DNAH8: variants seen among roughly 807,000 people sequenced by gnomAD.
DNAH8 encodes the protein dynein axonemal heavy chain 8, also known as axonemal beta dynein heavy chain 8.
A neutral mutation model predicts 562.1 loss-of-function variants in DNAH8; 382 were observed. The observed-to-expected ratio is 0.68, with a 90% CI of 0.63 to 0.74. DNAH8 has a LOEUF of 0.74. DNAH8 is among the 30% of genes least tolerant of loss of function. DNAH8 has a pLI of 0.00. For missense variants in DNAH8, 5,203 were observed against 5,620.4 expected (o/e 0.93, Z 2.37); for synonymous variants, 1,881 against 1,919.4 (o/e 0.98, Z 0.52).
At chr6:38,846,218 G>A (rs1329806964) in intron 36 of DNAH8, among the ~76,000 whole-genome samples, 2 of 152,156 alleles carry the variant, frequency 1.3e-5, no homozygotes, top group East Asian at 1.9e-4. Context: ...TAGGGGCTTG[G>A]CACTTACTTA....
intron 11 of DNAH8, among the ~76,000 whole-genome samples, chr6:38,768,820 T>A (rs1284727716): frequency 6.6e-6 from 1 of 152,192 alleles, no homozygotes; most frequent in African/African-American, 2.4e-5. Flanking sequence ...CAACTTATCA[T>A]CTTCCTAGGA....
chr6:38,878,288 G>A (rs9380796), intron 53 of DNAH8, among the ~76,000 whole-genome samples: 65,966 of 151,976 alleles, frequency 0.43, 15,241 homozygotes, highest in East Asian at 0.84. Flanking sequence ...TCCAGTGCAC[G>A]GAAAACACTT....
Position 39,026,752 on chromosome 6 carries a change from C to T in DNAH8, c.13836+85C>T, listed in dbSNP as rs962675651. The T allele has an allele frequency of 2.7e-6, 4 of 1,459,032 alleles. No homozygotes were observed. The African/African-American group carries it at 4.2e-5, about 15-fold the overall frequency. 90.4% of individuals were successfully genotyped at this position (1,459,032 alleles called of 1,614,324 possible). Reference sequence around the variant, plus strand: ...CTGCTTAAAACTGAGCTATGAGTGCCTTGGTTAGGTCCATTTGCTTTGCAG... The same window carrying T: ...CTGCTTAAAACTGAGCTATGAGTGCTTTGGTTAGGTCCATTTGCTTTGCAG... On this transcript the variant is annotated intron_variant, in intron 92 of 92. Transcript: ENST00000327475.
chr6:38,858,316 C>T (rs2150402649), intron 42 of DNAH8, among the ~76,000 whole-genome samples: 1 of 152,240 alleles, frequency 6.6e-6, no homozygotes, highest in East Asian at 1.9e-4. Flanking sequence ...TTGCTTTAGT[C>T]TACTTGATTT....
intron 1 of DNAH8, among the ~76,000 whole-genome samples, chr6:38,720,677 A>G (rs1049180364): frequency 8.5e-5 from 13 of 152,240 alleles, no homozygotes; most frequent in African/African-American, 3.1e-4. Flanking sequence ...TTCAACACAA[A>G]GACATACACA....
intron 11 of DNAH8, chr6:38,763,182 C>CTCGGTGTTCGCCGT: frequency 7.0e-6 from 2 of 286,062 alleles, no homozygotes; most frequent in Non-Finnish European, 1.4e-5. Flanking sequence ...CAGTGTAGAT[C>CTCGGTGTTCGCCGT]ATACATTTGG....
At chr6:38,995,022 T>A (rs1646216126) in intron 88 of DNAH8, among the ~76,000 whole-genome samples, 1 of 152,058 alleles carries the variant, frequency 6.6e-6, no homozygotes, top group South Asian at 2.1e-4. Context: ...CTCCAGTATG[T>A]TTTATTATCT....
Position 39,012,367 on chromosome 6 carries a change from G to A in DNAH8, c.13524G>A (p.Glu4508=). 6.2e-7 allele frequency: 1 copy of A among 1,611,276 alleles called. No homozygotes were observed. Among genetic ancestry groups the A allele is most frequent in the Non-Finnish European group, 8.5e-7 (1 of 1,177,780 alleles). Residue 4508 remains glutamate, a splice_region_variant and synonymous_variant, in exon 90 of 93, where the codon GAG becomes GAA. Transcript: ENST00000327475. The part of the protein sequence containing the change: ...LAIEGTIIMS[E]NLRDALDNMY... Reference sequence around the variant, plus strand: ...TTGAAGGAACAATCATTATGAGTGAGGTGAGCTGTTATTACATCAGTAGGC... The same window carrying A: ...TTGAAGGAACAATCATTATGAGTGAAGTGAGCTGTTATTACATCAGTAGGC...
rs138189560 is a variant in DNAH8 at position 38,826,316 on chromosome 6, C to A, written c.4008C>A (p.Val1336=). 7.4e-6 allele frequency: 12 copies of A among 1,613,324 alleles called. No individual in the cohort carries two copies. The African/African-American group carries it at 1.2e-4, about 16-fold the overall frequency. The change falls in exon 29 of 93, where the codon GTC becomes GTA. Residue 1336 remains valine (V), a synonymous_variant. Transcript: ENST00000327475. ...GACCTATTCGTGATTTAGATGATGT[C>A]AGATTTGCAATGGAAGCCTTGTCTT... ...LSRPIRDLDD[V]RFAMEALSCI... is the part of the protein sequence containing the mutation.
intron 92 of DNAH8, 38 bp downstream of exon 92, chr6:39,026,705 G>A: frequency 6.2e-7 from 1 of 1,602,972 alleles, no homozygotes; most frequent in Non-Finnish European, 8.5e-7. Context: ...CCATTCTGGA[G>A]CCAGAGCTGA....
At chr6:38,989,356 A>G (rs374758694) in intron 87 of DNAH8, among the ~76,000 whole-genome samples, 1 of 152,138 alleles carries the variant, frequency 6.6e-6, no homozygotes, top group South Asian at 2.1e-4. Context: ...GAATAAGTCT[A>G]TTCACACCAA....
In DNAH8 at chr6:38,906,759, C is replaced by T. The variant is rs747185234; in HGVS notation, c.9348+352C>T. ...TAGTTGTAAATGGATGTCTGTACTG[C>T]CACTTCTGAAACCGCTTGTATCAGC... is the stretch of plus-strand genomic sequence containing the variant. On this transcript the variant is annotated intron_variant, in intron 63 of 92. Transcript: ENST00000327475. 2.6e-5 allele frequency among the ~76,000 whole-genome samples: 4 copies of T among 152,030 alleles called. No individual in the cohort carries two copies. The South Asian group carries it at 6.2e-4, about 24-fold the overall frequency.
intron 11 of DNAH8, among the ~76,000 whole-genome samples, chr6:38,769,138 T>C (rs1738267): frequency 0.1 from 15,157 of 152,166 alleles, 1,382 homozygotes; most frequent in East Asian, 0.44. Context: ...TTAGGAATAA[T>C]TTTTGGATGA....
intron 88 of DNAH8, among the ~76,000 whole-genome samples, chr6:39,005,768 T>C (rs570607841): frequency 6.6e-6 from 1 of 152,366 alleles, no homozygotes; most frequent in East Asian, 1.9e-4. Flanking sequence ...TCCATTTTCT[T>C]CTGGATTTCA....
chr6:38,731,888 G>A (rs1434020339), intron 4 of DNAH8, among the ~76,000 whole-genome samples: 1 of 152,120 alleles, frequency 6.6e-6, no homozygotes, highest in African/African-American at 2.4e-5. Context: ...CTAATGTTTT[G>A]TATTTTTAGT....
At chr6:38,747,391 T>TC (rs1371158156) in intron 8 of DNAH8, among the ~76,000 whole-genome samples, 68 of 145,214 alleles carry the variant, frequency 4.7e-4, no homozygotes, top group African/African-American at 1.7e-3. Flanking sequence ...TTTCTTTTTT[T>TC]TTTTTTTTTT....
intron 65 of DNAH8, among the ~76,000 whole-genome samples, chr6:38,910,375 A>G (rs902545795): frequency 3.3e-5 from 5 of 152,202 alleles, no homozygotes; most frequent in Non-Finnish European, 7.3e-5. Flanking sequence ...ATCCCCAGAA[A>G]AGCTATGCCT....
chr6:38,721,992 G>C (rs1301729407), intron 1 of DNAH8, among the ~76,000 whole-genome samples: 1 of 152,158 alleles, frequency 6.6e-6, no homozygotes, highest in African/African-American at 2.4e-5. Context: ...TTGGTTGGAG[G>C]CATCATTATT....
chr6:38,850,161 T>C, intron 37 of DNAH8, 90 bp from the exon 38 acceptor site: 1 of 1,273,918 alleles, frequency 7.8e-7, no homozygotes, highest in Middle Eastern at 2.3e-4. Context: ...GAGGCTGGTT[T>C]GAAGAACTAT....
Sources: allele counts gnomAD v4.1 joint callset (sites outside exome capture counted in the v4.1 genomes callset), GRCh38; gene constraint gnomAD v4.1.1; transcripts MANE v1.5; gene names NCBI Gene and HGNC (gene_info 2026-07-23, HGNC 2026-07-21).